SPOCK3: variants seen among roughly 807,000 people sequenced by gnomAD.
SPOCK3 encodes the protein SPARC (osteonectin), cwcv and kazal like domains proteoglycan 3, also known as testican-3.
In SPOCK3, 30 loss-of-function variants were observed where a neutral mutation model predicts 56.6. The ratio of observed to expected loss-of-function variants is 0.53; its 90% CI spans 0.40 to 0.72. The LOEUF (loss-of-function observed/expected upper bound fraction) is 0.72. Among genes scored for constraint, SPOCK3 ranks in the 30% least tolerant of loss-of-function variants. SPOCK3 has a pLI of 0.00. For synonymous variants in SPOCK3, 196 were observed against 183.3 expected, an observed-to-expected ratio of 1.07 and a Z score of -0.56; for missense variants, 527 against 530.0, an observed-to-expected ratio of 0.99 and a Z score of 0.06.
At chr4:167,108,251 C>T (rs1561222617) in intron 2 of SPOCK3, among the ~76,000 whole-genome samples, 1 of 151,796 alleles carries the variant, frequency 6.6e-6, no homozygotes, top group African/African-American at 2.4e-5. Flanking sequence ...TTGGGAGGTT[C>T]CTCAAAAAAC....
chr4:166,959,930 A>G lies in SPOCK3; in HGVS notation c.350+40419T>C, dbSNP rs564680733. 2.6e-5 allele frequency among the ~76,000 whole-genome samples: 4 copies of G among 152,302 alleles called. No individual in the cohort carries two copies. In the East Asian group the frequency reaches 7.7e-4, roughly 29 times the overall value. On this transcript the variant is annotated intron_variant, in intron 4 of 10. Coordinates refer to ENST00000357545, the MANE Select transcript of SPOCK3 (RefSeq NM_001040159.2). ...CATTTCCTCTTTATGGTTATTTTCAAAATGAAGCACAATAAAAGCATATTA... is the reference window on the plus strand; with the variant it reads ...CATTTCCTCTTTATGGTTATTTTCAGAATGAAGCACAATAAAAGCATATTA...
At chr4:167,083,123 A>T (rs1757873006) in intron 2 of SPOCK3, 1 of 759,608 alleles carries the variant, frequency 1.3e-6, no homozygotes, top group Non-Finnish European at 2.4e-6. Flanking sequence ...GTACTTCTTA[A>T]CTAATTACAG....
intron 2 of SPOCK3, among the ~76,000 whole-genome samples, chr4:167,072,024 T>A (rs753831224): frequency 2.0e-5 from 3 of 152,064 alleles, no homozygotes; most frequent in African/African-American, 4.8e-5. Flanking sequence ...ATAAAAATAG[T>A]GGCTTGAATT....
At chr4:167,141,017 G>A (rs1763485369) in intron 2 of SPOCK3, among the ~76,000 whole-genome samples, 1 of 151,822 alleles carries the variant, frequency 6.6e-6, no homozygotes, top group Admixed American at 6.6e-5. Flanking sequence ...AGAGGGGGAG[G>A]AAAAATTCTC....
intron 2 of SPOCK3, among the ~76,000 whole-genome samples, chr4:167,158,767 T>C (rs1334314493): frequency 6.6e-6 from 1 of 152,054 alleles, no homozygotes; most frequent in South Asian, 2.1e-4. Flanking sequence ...CTAAACTTTT[T>C]ACCTGAACTT....
At chr4:166,826,232 C>T (rs1026978775) in intron 6 of SPOCK3, among the ~76,000 whole-genome samples, 11 of 152,074 alleles carry the variant, frequency 7.2e-5, no homozygotes, top group East Asian at 1.9e-4. Flanking sequence ...ACATCAATAC[C>T]GAGCTGTATT....
chr4:166,791,382 C>G (rs1295137232), intron 7 of SPOCK3, among the ~76,000 whole-genome samples: 2 of 152,142 alleles, frequency 1.3e-5, no homozygotes, highest in African/African-American at 4.8e-5. Context: ...ATGAATGTCA[C>G]ACATCTGGTT....
chr4:167,187,014 C>T (rs1580554263), intron 2 of SPOCK3, among the ~76,000 whole-genome samples: 1 of 150,622 alleles, frequency 6.6e-6, no homozygotes, highest in African/African-American at 2.4e-5. Context: ...AGTCCACTTG[C>T]TATATAAGAT....
At position 167,148,390 on chromosome 4, in the gene SPOCK3, G is replaced by A. The variant is rs546828050; in HGVS notation, c.189+85595C>T. 2.0e-5 allele frequency among the ~76,000 whole-genome samples: 3 copies of A among 152,240 alleles called. No homozygotes were observed. The South Asian group carries it at 6.2e-4, about 32-fold the overall frequency. On this transcript the variant is annotated intron_variant, in intron 2 of 10. Transcript: ENST00000357545. ...TTTCTATTATCATCTGGTCAGAGAT[G>A]ATAATAGACTCTGAGAAATAAAGAC...
intron 4 of SPOCK3, among the ~76,000 whole-genome samples, chr4:166,974,603 T>C (rs1745746061): frequency 1.3e-5 from 2 of 152,166 alleles, no homozygotes; most frequent in East Asian, 3.9e-4. Context: ...GTGTGTATAC[T>C]CATTGTCTCT....
At chr4:166,982,105 G>C (rs924336190) in intron 4 of SPOCK3, among the ~76,000 whole-genome samples, 2 of 152,112 alleles carry the variant, frequency 1.3e-5, no homozygotes, top group Non-Finnish European at 2.9e-5. Context: ...CTCCCGCCCT[G>C]CTGAACCAGC....
At chr4:166,969,251 A>T (rs1745100920) in intron 4 of SPOCK3, among the ~76,000 whole-genome samples, 1 of 152,194 alleles carries the variant, frequency 6.6e-6, no homozygotes, top group Non-Finnish European at 1.5e-5. Flanking sequence ...ATGAGTTACG[A>T]CTTTGGAGAA....
rs894563831 is a variant in SPOCK3 at position 166,742,026 on chromosome 4, T to C, written c.965A>G (p.Gln322Arg). Reference protein sequence around the residue: ...PPCQTELSNIQKRQGVKKLLG... With the variant: ...PPCQTELSNIRKRQGVKKLLG... ...GAGCTTCTTTACCCCTTGCCGCTTCTGAATATTGCTGAGCTCAGTCTGGCA... is the reference window on the plus strand; with the variant it reads ...GAGCTTCTTTACCCCTTGCCGCTTCCGAATATTGCTGAGCTCAGTCTGGCA... The change falls in exon 9 of 11, where the codon CAG (glutamine) becomes CGG (arginine). Residue 322 changes from glutamine to arginine, a missense_variant. Physicochemically the swap from Gln to Arg is conservative, Grantham distance 43. Transcript: ENST00000357545. 3.1e-6 allele frequency: 5 copies of C among 1,613,088 alleles called. No homozygotes were observed. The highest frequency in any genetic ancestry group is 1.3e-5 in the African/African-American group (1 of 75,006).
intron 2 of SPOCK3, among the ~76,000 whole-genome samples, chr4:167,224,028 AT>A (rs1390850545): frequency 6.6e-6 from 1 of 152,100 alleles, no homozygotes; most frequent in African/African-American, 2.4e-5. Flanking sequence ...AATACAGACT[AT>A]TTGTGGATTT....
At chr4:167,078,158 G>A (rs747903037) in intron 2 of SPOCK3, among the ~76,000 whole-genome samples, 1 of 151,798 alleles carries the variant, frequency 6.6e-6, no homozygotes, top group Non-Finnish European at 1.5e-5. Context: ...TCATGCAGAA[G>A]TACTAACAAA....
chr4:167,110,523 C>T (rs1226929867), intron 2 of SPOCK3, among the ~76,000 whole-genome samples: 1 of 151,908 alleles, frequency 6.6e-6, no homozygotes, highest in Non-Finnish European at 1.5e-5. Context: ...TGATAAATTA[C>T]AGATTCTTAA....
rs553901411 is a variant in SPOCK3 at position 166,935,062 on chromosome 4, C to T, written c.351-22319G>A. On this transcript the variant is annotated intron_variant, in intron 4 of 10. Transcript: ENST00000357545. ...AGTGGGCAGCATAACCTCAGATAAG[C>T]AAGGAGTATAAATAGTAGAAGAAAA... Among the ~76,000 whole-genome samples the T allele has an allele frequency of 4.6e-5, 7 of 152,188 alleles. No individual in the cohort carries two copies. The South Asian group carries it at 1.5e-3, about 32-fold the overall frequency.
intron 6 of SPOCK3, among the ~76,000 whole-genome samples, chr4:166,798,344 C>T (rs1033473306): frequency 6.6e-6 from 1 of 152,106 alleles, no homozygotes; most frequent in Non-Finnish European, 1.5e-5. Flanking sequence ...TTGTTCATCA[C>T]GGCCCCTAAC....
At chr4:166,807,684 C>T (rs1051657543) in intron 6 of SPOCK3, among the ~76,000 whole-genome samples, 3 of 152,074 alleles carry the variant, frequency 2.0e-5, no homozygotes, top group Admixed American at 6.6e-5. Flanking sequence ...GAATAGGACA[C>T]ATACTATAAA....
Sources: gnomAD v4.1 joint callset for allele counts (sites outside exome capture counted in the v4.1 genomes callset) on GRCh38, gnomAD v4.1.1 for gene constraint, MANE v1.5 for transcripts, NCBI Gene and HGNC (gene_info 2026-07-23, HGNC 2026-07-21) for gene names.